SH3BP4: variants seen among roughly 807,000 people sequenced by gnomAD.
SH3BP4 encodes the protein SH3 domain binding protein 4, also known as SH3 domain-binding protein 4.
In SH3BP4, 33 loss-of-function variants were observed where a neutral mutation model predicts 65.5. The observed-to-expected ratio is 0.50, with a 90% CI of 0.38 to 0.67. The LOEUF (loss-of-function observed/expected upper bound fraction) is 0.67. Ranked by LOEUF, SH3BP4 falls within the 30% of genes least tolerant of loss-of-function variation. SH3BP4 has a pLI of 0.00. For synonymous variants in SH3BP4, 552 were observed against 545.5 expected (o/e 1.01, Z -0.17); for missense variants, 1,134 against 1,261.4 (o/e 0.90, Z 1.53).
At chr2:235,032,778 A>G (rs1221459820) in intron 2 of SH3BP4, among the ~76,000 whole-genome samples, 2 of 151,920 alleles carry the variant, frequency 1.3e-5, no homozygotes, top group African/African-American at 4.8e-5. Flanking sequence ...TGTGGGGTGG[A>G]AGGAGGCCTC....
chr2:234,981,480 G>A (rs1574788838), intron 1 of SH3BP4: 2 of 152,262 alleles, frequency 1.3e-5, no homozygotes. Flanking sequence ...GGAATCTGCA[G>A]TTTGTCTTAG....
rs116034176 is a variant in SH3BP4 at position 234,954,548 on chromosome 2, C to T, written c.-207+2378C>T. Among the ~76,000 whole-genome samples, 1,340 of 152,258 alleles carry T rather than the reference C, an allele frequency of 8.8e-3. 10 individuals carry two copies. Among genetic ancestry groups the T allele is most frequent in the African/African-American group, 0.021 (864 of 41,538 alleles). ...GTGCCTTGTCTGTTCATGTATTGTG[C>T]TCTTACTTTTCTCTGTGGAGGGAGG... On this transcript the variant is annotated intron_variant, in intron 1 of 5. Coordinates refer to ENST00000392011, the MANE Select transcript of SH3BP4 (RefSeq NM_014521.3).
chr2:235,049,776 G>C (rs1036778724), intron 4 of SH3BP4, among the ~76,000 whole-genome samples: 5 of 152,164 alleles, frequency 3.3e-5, no homozygotes, highest in Admixed American at 2.6e-4. Context: ...TTCCATGTGG[G>C]GCTCATGGAA....
intron 2 of SH3BP4, among the ~76,000 whole-genome samples, chr2:235,029,276 G>A (rs550838102): frequency 2.0e-5 from 3 of 152,042 alleles, no homozygotes; most frequent in Admixed American, 6.5e-5. Flanking sequence ...TGGAGCTGCC[G>A]TGCATGGCTG....
chr2:235,011,124 T>C (rs1694485829), intron 2 of SH3BP4, among the ~76,000 whole-genome samples: 1 of 90,216 alleles, frequency 1.1e-5, no homozygotes, highest in African/African-American at 5.5e-5. Context: ...GAACCCTTCC[T>C]CCCTCTCCTA....
chr2:234,983,556 C>G (rs1319326686), intron 1 of SH3BP4, among the ~76,000 whole-genome samples: 2 of 152,212 alleles, frequency 1.3e-5, no homozygotes, highest in African/African-American at 4.8e-5. Context: ...AAACATATTT[C>G]TATCCTAATG....
chr2:234,985,513 C>T (rs1360846583), intron 1 of SH3BP4, among the ~76,000 whole-genome samples: 2 of 152,120 alleles, frequency 1.3e-5, no homozygotes, highest in African/African-American at 4.8e-5. Context: ...GCATTTTAGA[C>T]CCAATGCACA....
intron 4 of SH3BP4, among the ~76,000 whole-genome samples, chr2:235,048,149 C>G (rs1301036452): frequency 6.6e-6 from 1 of 151,990 alleles, no homozygotes; most frequent in Non-Finnish European, 1.5e-5. Context: ...TCCCAGGCAG[C>G]CCCAAAGCCA....
In SH3BP4 at chr2:234,974,380, TAAAAG is replaced by T. The variant is rs1693106708; in HGVS notation, c.-206-20921_-206-20917del. 6.8e-6 allele frequency among the ~76,000 whole-genome samples: 1 copy of T among 146,972 alleles called. No individual in the cohort carries two copies. The highest frequency in any genetic ancestry group is 1.5e-5 in the Non-Finnish European group (1 of 67,394). Reference sequence around the variant, plus strand: ...CTCTGTCTAAAAAAAAATAAATAAATAAAAGAGAAAGAGAGATTTGTGAAGGTCAT... The same window carrying T: ...CTCTGTCTAAAAAAAAATAAATAAATAGAAAGAGAGATTTGTGAAGGTCAT... On this transcript the variant is annotated intron_variant, in intron 1 of 5. Coordinates refer to ENST00000392011, the MANE Select transcript of SH3BP4 (RefSeq NM_014521.3). This position sits in a 1 kb window ranked among gnomAD's most constrained non-coding sequence, Gnocchi z 4.6.
At chr2:235,050,790 G>C (rs1373598244) in intron 4 of SH3BP4, among the ~76,000 whole-genome samples, 1 of 152,206 alleles carries the variant, frequency 6.6e-6, no homozygotes, top group East Asian at 1.9e-4. Flanking sequence ...CCCTGCTATC[G>C]GCACAAAATA....
chr2:234,994,309 T>C (rs987353050), intron 1 of SH3BP4, among the ~76,000 whole-genome samples: 2 of 152,182 alleles, frequency 1.3e-5, no homozygotes, highest in Non-Finnish European at 2.9e-5. Context: ...TTTAATTGCA[T>C]GTTAAATATT....
At chr2:235,008,617 C>T (rs1694377167) in intron 2 of SH3BP4, 1 of 152,182 alleles carries the variant, frequency 6.6e-6, no homozygotes, top group South Asian at 2.1e-4. Context: ...TGTCCTCTGG[C>T]TCTGGATCAC....
At chr2:234,968,194 A>C (rs1297626461) in intron 1 of SH3BP4, among the ~76,000 whole-genome samples, 1 of 152,154 alleles carries the variant, frequency 6.6e-6, no homozygotes, top group Non-Finnish European at 1.5e-5. Context: ...TCTGAACTCT[A>C]TTCAGGGAAT....
chr2:234,997,860 T>C lies in SH3BP4; in HGVS notation c.-133+2484T>C, dbSNP rs545244617. Among the ~76,000 whole-genome samples, 62 of 152,140 alleles carry C rather than the reference T, an allele frequency of 4.1e-4. No homozygotes were observed. Among genetic ancestry groups the C allele is most frequent in the Non-Finnish European group, 6.6e-4 (45 of 68,018 alleles). ...TCAGAAGACTGGGTGCGGTGGCTCA[T>C]GCCTGTAATCCCAGCACTTTGGGAG... On this transcript the variant is annotated intron_variant, in intron 2 of 5. Transcript: ENST00000392011. The surrounding 1 kb of genome is among the most constrained non-coding windows in gnomAD (Gnocchi z 4.2).
intron 3 of SH3BP4, among the ~76,000 whole-genome samples, chr2:235,038,296 ATATTATATATATATATTATATATTAT>A: frequency 7.6e-5 from 1 of 13,158 alleles, no homozygotes; most frequent in Admixed American, 1.6e-3. Context: ...TATAATATAT[ATATTATATATATATATTATATATTAT>A]ATATATATTA....
chr2:235,014,692 G>C (rs1694631822), intron 2 of SH3BP4, among the ~76,000 whole-genome samples: 1 of 152,022 alleles, frequency 6.6e-6, no homozygotes, highest in Admixed American at 6.6e-5. Context: ...TTCTCACCGG[G>C]TCTTCACATC....
Position 234,978,421 on chromosome 2 carries a change from G to A in SH3BP4, c.-206-16882G>A, listed in dbSNP as rs563818291. On this transcript the variant is annotated intron_variant, in intron 1 of 5. Coordinates refer to ENST00000392011, the MANE Select transcript of SH3BP4 (RefSeq NM_014521.3). The surrounding 1 kb of genome is among the most constrained non-coding windows in gnomAD (Gnocchi z 4.1). ...GGGTCCTCCTCACTGCAGTCACTGC[G>A]GGACCAGGTACTCTTTTCCTGCGCC... Among the ~76,000 whole-genome samples, 3 of 152,194 alleles carry A rather than the reference G, an allele frequency of 2.0e-5. No homozygotes were observed. Among genetic ancestry groups the A allele is most frequent in the Non-Finnish European group, 4.4e-5 (3 of 68,034 alleles).
At chr2:235,028,799 G>T (rs997743546) in intron 2 of SH3BP4, among the ~76,000 whole-genome samples, 15 of 152,210 alleles carry the variant, frequency 9.9e-5, no homozygotes, top group African/African-American at 3.6e-4. Flanking sequence ...AGCATCTCGT[G>T]TCTAGGCTGG....
In SH3BP4 at chr2:235,045,875, T is replaced by A. The variant is rs1230824239; in HGVS notation, c.2478+2628T>A. On this transcript the variant is annotated intron_variant, in intron 4 of 5. Coordinates refer to ENST00000392011, the MANE Select transcript of SH3BP4 (RefSeq NM_014521.3). The surrounding 1 kb of genome is among the most constrained non-coding windows in gnomAD (Gnocchi z 4.3). ...TTCTGATGCCTTGGGTTGGAAACAG[T>A]GTTTAAATGATGGGGAAAATGTGAG... 1.3e-5 allele frequency among the ~76,000 whole-genome samples: 2 copies of A among 152,138 alleles called. No individual in the cohort carries two copies. Among genetic ancestry groups the A allele is most frequent in the East Asian group, 3.9e-4 (2 of 5,188 alleles).
Sources: allele counts gnomAD v4.1 joint callset (sites outside exome capture counted in the v4.1 genomes callset), GRCh38; gene constraint gnomAD v4.1.1; non-coding constraint Gnocchi (gnomAD v3.1); transcripts MANE v1.5; gene names NCBI Gene and HGNC (gene_info 2026-07-23, HGNC 2026-07-21).